Variants in QRICH1 observed in about 807,000 individuals in gnomAD.
QRICH1 encodes the protein glutamine rich 1, also known as transcriptional regulator QRICH1.
A neutral mutation model predicts 87.1 loss-of-function variants in QRICH1; 16 were observed. The ratio of observed to expected loss-of-function variants is 0.18; its 90% CI spans 0.12 to 0.28. QRICH1 has a LOEUF of 0.28. QRICH1 is among the 10% of genes least tolerant of loss of function. The pLI, the probability that QRICH1 is intolerant of heterozygous loss-of-function variation, is 1.00. For missense variants in QRICH1, 647 were observed against 951.7 expected (o/e 0.68, Z 4.21); for synonymous variants, 367 against 368.4 (o/e 1.00, Z 0.05).
chr3:49,037,473 C>T (rs1317048314), intron 6 of QRICH1, among the ~76,000 whole-genome samples: 1 of 152,206 alleles, frequency 6.6e-6, no homozygotes, highest in Non-Finnish European at 1.5e-5. Flanking sequence ...TGGCTCACAC[C>T]TGTAACCTAG....
chr3:49,050,595 G>A (rs1427478627), intron 3 of QRICH1, among the ~76,000 whole-genome samples: 2 of 151,900 alleles, frequency 1.3e-5, no homozygotes, highest in Non-Finnish European at 2.9e-5. Flanking sequence ...TTAAATTACA[G>A]TCCAGGGCAA....
intron 6 of QRICH1, among the ~76,000 whole-genome samples, chr3:49,034,641 TC>T (rs1402714431): frequency 2.6e-5 from 4 of 151,040 alleles, no homozygotes; most frequent in Admixed American, 6.6e-5. Context: ...TATTACAAGA[TC>T]CCCCCCACAG....
At chr3:49,047,667 G>A (rs1199265989) in intron 3 of QRICH1, among the ~76,000 whole-genome samples, 1 of 151,842 alleles carries the variant, frequency 6.6e-6, no homozygotes, top group African/African-American at 2.4e-5. Context: ...AATTTTAGTC[G>A]AGACGGAGTT....
intron 1 of QRICH1, among the ~76,000 whole-genome samples, chr3:49,087,839 A>AAAAAAAAAAAAGAACAAT (rs1553749363): frequency 6.7e-6 from 1 of 149,324 alleles, no homozygotes; most frequent in Non-Finnish European, 1.5e-5. Flanking sequence ...AAAAAAAAAA[A>AAAAAAAAAAAAGAACAAT]GAACAATGTC....
intron 2 of QRICH1, among the ~76,000 whole-genome samples, chr3:49,062,542 GCA>G (rs968908587): frequency 6.6e-6 from 1 of 151,248 alleles, no homozygotes; most frequent in Non-Finnish European, 1.5e-5. Context: ...TGCATTTTTA[GCA>G]CAGACAGGGT....
chr3:49,030,733 CAGTA>C (rs1268334325), intron 9 of QRICH1, 89 bp from the exon 10 acceptor site: 18 of 1,145,522 alleles, frequency 1.6e-5, no homozygotes, highest in East Asian at 2.8e-5. Context: ...TGTCTGCAAA[CAGTA>C]AGGCCCCAAG....
chr3:49,059,883 A>AACTT (rs776134692), intron 2 of QRICH1, among the ~76,000 whole-genome samples: 7 of 149,568 alleles, frequency 4.7e-5, no homozygotes, highest in Non-Finnish European at 7.4e-5. Context: ...ACATCCAGCT[A>AACTT]ACTTTTTTTT....
chr3:49,058,039 C>T (rs777505620), intron 2 of QRICH1, 149 bp from the exon 3 acceptor site: 24 of 1,357,362 alleles, frequency 1.8e-5, no homozygotes, highest in Admixed American at 1.3e-4. Flanking sequence ...GGACACAATA[C>T]GTAAGACTAG....
At chr3:49,047,480 T>TC (rs1450532272) in intron 3 of QRICH1, among the ~76,000 whole-genome samples, 3 of 124,688 alleles carry the variant, frequency 2.4e-5, no homozygotes, top group Non-Finnish European at 5.0e-5. Context: ...CTTTTAAATG[T>TC]TTTTTTTTTT....
chr3:49,080,062 G>C (rs1015808393), intron 1 of QRICH1, among the ~76,000 whole-genome samples: 2 of 149,890 alleles, frequency 1.3e-5, no homozygotes, highest in Non-Finnish European at 1.5e-5. Context: ...TCATAATAGA[G>C]ATCCGGTAAC....
intron 6 of QRICH1, chr3:49,033,865 T>G (rs989875428): frequency 6.6e-6 from 1 of 152,122 alleles, no homozygotes; most frequent in African/African-American, 2.4e-5. Flanking sequence ...CGGGCTCCTG[T>G]AGTCCCAGCT....
At chr3:49,036,269 CA>C (rs1392034867) in intron 6 of QRICH1, among the ~76,000 whole-genome samples, 2 of 152,082 alleles carry the variant, frequency 1.3e-5, no homozygotes, top group African/African-American at 2.4e-5. Flanking sequence ...TAGTTCTGCC[CA>C]CTGAAGATCC....
chr3:49,036,048 T>C (rs1405941347), intron 6 of QRICH1, among the ~76,000 whole-genome samples: 1 of 152,080 alleles, frequency 6.6e-6, no homozygotes, highest in East Asian at 1.9e-4. Context: ...ATTGTGCCAC[T>C]GCACTCCAGC....
At chr3:49,044,545 T>C (rs749334794) in intron 5 of QRICH1, 41 bp from the exon 6 acceptor site, 1 of 1,362,650 alleles carries the variant, frequency 7.3e-7, no homozygotes, top group South Asian at 1.2e-5. Context: ...GGTAGTCTCC[T>C]GAACAAGGAT....
chr3:49,037,214 G>C (rs2093281005), intron 6 of QRICH1, among the ~76,000 whole-genome samples: 1 of 151,734 alleles, frequency 6.6e-6, no homozygotes, highest in African/African-American at 2.4e-5. Flanking sequence ...TCAAAGAAAG[G>C]CCAACTATGA....
intron 8 of QRICH1, 69 bp downstream of exon 8, chr3:49,032,553 C>A (rs1384774388): frequency 7.5e-6 from 11 of 1,469,802 alleles, no homozygotes; most frequent in Non-Finnish European, 9.2e-6. Flanking sequence ...ACTAGCCTCA[C>A]AGGCACAAGG....
At chr3:49,042,774 TGTTAGCCAG>T (rs2093318007) in intron 6 of QRICH1, among the ~76,000 whole-genome samples, 1 of 152,056 alleles carries the variant, frequency 6.6e-6, no homozygotes, top group Admixed American at 6.6e-5. Context: ...GGTTTCACCA[TGTTAGCCAG>T]GCTGGTCTTG....
intron 3 of QRICH1, 26 bp downstream of exon 3, chr3:49,056,836 T>A (rs201140586): frequency 6.2e-7 from 1 of 1,614,046 alleles, no homozygotes; most frequent in Admixed American, 1.7e-5. Flanking sequence ...CCAGGCTGCC[T>A]GCCCTACTGA....
chr3:49,078,175 C>G (rs2041987899), intron 1 of QRICH1, among the ~76,000 whole-genome samples: 1 of 152,138 alleles, frequency 6.6e-6, no homozygotes, highest in Admixed American at 6.6e-5. Flanking sequence ...CTTGAGCAAT[C>G]AGGATAGATA....
Sources: allele counts gnomAD v4.1 joint callset (sites outside exome capture counted in the v4.1 genomes callset), GRCh38; gene constraint gnomAD v4.1.1; transcripts MANE v1.5; gene names NCBI Gene and HGNC (gene_info 2026-07-23, HGNC 2026-07-21).